Variants in NCEH1 observed in about 807,000 individuals in gnomAD.
The protein encoded by NCEH1 is neutral cholesterol ester hydrolase 1.
In NCEH1, 9 loss-of-function variants were observed where a neutral mutation model predicts 25.4. That is an observed-to-expected ratio of 0.35 (90% CI 0.21 to 0.62). The LOEUF (loss-of-function observed/expected upper bound fraction) is 0.62. NCEH1 is among the 20% of genes least tolerant of loss of function. The pLI is 0.72. For missense variants in NCEH1, 412 were observed against 501.1 expected (o/e 0.82, Z 1.70); for synonymous variants, 200 against 199.8 (o/e 1.00, Z -0.01).
intron 3 of NCEH1, among the ~76,000 whole-genome samples, chr3:172,639,572 T>C (rs186069557): frequency 1.3e-5 from 2 of 152,254 alleles, no homozygotes; most frequent in Admixed American, 6.5e-5. Context: ...GGTTCTGACA[T>C]TCAATATTTA....
At chr3:172,701,190 A>ATTG (rs1185659837) in intron 1 of NCEH1, among the ~76,000 whole-genome samples, 2 of 152,202 alleles carry the variant, frequency 1.3e-5, no homozygotes, top group African/African-American at 4.8e-5. Flanking sequence ...TCCTTGGACT[A>ATTG]GTCCACTGAC....
intron 1 of NCEH1, among the ~76,000 whole-genome samples, chr3:172,665,352 GCT>G (rs1718157626): frequency 6.6e-6 from 1 of 152,178 alleles, no homozygotes; most frequent in South Asian, 2.1e-4. Flanking sequence ...TCCTCTGGAA[GCT>G]TTGTCTCAGA....
chr3:172,642,592 T>G (rs1051030491), intron 3 of NCEH1, among the ~76,000 whole-genome samples: 7 of 129,052 alleles, frequency 5.4e-5, no homozygotes, highest in Non-Finnish European at 7.9e-5. Flanking sequence ...ATTACTATCT[T>G]GCTATTTCTA....
chr3:172,706,207 C>T (rs963193776), intron 1 of NCEH1, among the ~76,000 whole-genome samples: 3 of 151,926 alleles, frequency 2.0e-5, no homozygotes, highest in Non-Finnish European at 2.9e-5. Context: ...ACTACATGTT[C>T]ATTGTAGAAA....
chr3:172,685,764 T>G (rs879768305), intron 1 of NCEH1, among the ~76,000 whole-genome samples: 25 of 152,214 alleles, frequency 1.6e-4, no homozygotes, highest in Non-Finnish European at 4.4e-5. Flanking sequence ...TAGAGCATCA[T>G]TCTAAATCCT....
intron 3 of NCEH1, among the ~76,000 whole-genome samples, chr3:172,638,186 T>TA (rs978268311): frequency 7.9e-6 from 1 of 127,292 alleles, no homozygotes; most frequent in East Asian, 2.5e-4. Flanking sequence ...CTAAATGCAA[T>TA]AAAAAAACTC....
chr3:172,653,752 G>GGCT (rs1553830342), intron 1 of NCEH1, among the ~76,000 whole-genome samples: 1 of 83,840 alleles, frequency 1.2e-5, no homozygotes, highest in African/African-American at 4.2e-5. Context: ...TTGTTTTTTT[G>GGCT]TTTTTTTGTT....
intron 1 of NCEH1, among the ~76,000 whole-genome samples, chr3:172,677,643 G>A (rs1712089007): frequency 6.6e-6 from 1 of 152,204 alleles, no homozygotes; most frequent in African/African-American, 2.4e-5. Context: ...CTGTTGGTGG[G>A]GGAGGGGCGG....
At chr3:172,673,523 G>GCT (rs1424712120) in intron 1 of NCEH1, among the ~76,000 whole-genome samples, 30 of 152,312 alleles carry the variant, frequency 2.0e-4, no homozygotes, top group South Asian at 1.7e-3. Context: ...GATTTTCCAT[G>GCT]CTCATGCTGC....
chr3:172,634,175 G>T, intron 4 of NCEH1, 83 bp from the exon 5 acceptor site: 1 of 1,306,356 alleles, frequency 7.7e-7, no homozygotes. Flanking sequence ...AGCTTCATGT[G>T]TTACTCTGAA....
intron 1 of NCEH1, among the ~76,000 whole-genome samples, chr3:172,664,444 T>TGCTCTTCACGAGGAGTATCTTTGTGGC (rs1718112213): frequency 2.0e-5 from 3 of 152,186 alleles, no homozygotes; most frequent in African/African-American, 7.2e-5. Context: ...TGTCTTGGGG[T>TGCTCTTCACGAGGAGTATCTTTGTGGC]TGCTCTTCAC....
chr3:172,662,833 G>A (rs1021884024), intron 1 of NCEH1, among the ~76,000 whole-genome samples: 2 of 145,578 alleles, frequency 1.4e-5, no homozygotes, highest in African/African-American at 5.4e-5. Context: ...ATTTTTTATT[G>A]CATCTATTTG....
At position 172,632,529 on chromosome 3, in the gene NCEH1, A is replaced by T. The variant is rs1225265790; in HGVS notation, c.*946T>A. 2 of 152,562 alleles carry T rather than the reference A, an allele frequency of 1.3e-5. No individual in the cohort carries two copies. The highest frequency in any genetic ancestry group is 2.9e-5 in the Non-Finnish European group (2 of 68,030). 9.5% of individuals were successfully genotyped at this position (152,562 alleles called of 1,614,324 possible). A position where few individuals can be genotyped will look rare whatever the true frequency, so the allele number is the denominator to read the frequency against. ...TTTTCAATAATAGACTAGACCTTCT[A>T]AAGGTATTTTTAACAATTTTGAACT... On this transcript the variant is annotated 3_prime_UTR_variant, in exon 5 of 5. Transcript: ENST00000475381.
intron 3 of NCEH1, among the ~76,000 whole-genome samples, chr3:172,639,622 A>G (rs1451645905): frequency 1.3e-5 from 2 of 152,192 alleles, no homozygotes; most frequent in African/African-American, 4.8e-5. Context: ...GTAAATATCA[A>G]AGATGTTATA....
intron 1 of NCEH1, among the ~76,000 whole-genome samples, chr3:172,693,341 C>T (rs913477847): frequency 6.6e-6 from 1 of 151,798 alleles, no homozygotes; most frequent in Non-Finnish European, 1.5e-5. Context: ...GAAAGCAAAC[C>T]GTGTGCACAC....
chr3:172,678,323 T>G (rs1254380219), intron 1 of NCEH1, among the ~76,000 whole-genome samples: 2 of 152,190 alleles, frequency 1.3e-5, no homozygotes, highest in Non-Finnish European at 2.9e-5. Context: ...CAGTCCCTCC[T>G]TGGCCTGAGG....
At chr3:172,673,409 A>G (rs114950408) in intron 1 of NCEH1, among the ~76,000 whole-genome samples, 2,757 of 152,314 alleles carry the variant, frequency 0.018, 25 homozygotes, top group Non-Finnish European at 0.028. Flanking sequence ...ACTCTCCCCA[A>G]ACACAAGCGC....
intron 1 of NCEH1, among the ~76,000 whole-genome samples, chr3:172,657,065 A>G (rs183638310): frequency 2.3e-3 from 344 of 151,516 alleles, no homozygotes; most frequent in African/African-American, 7.9e-3. Flanking sequence ...TGGTTCTTAC[A>G]CTCCTGACCA....
chr3:172,653,570 A>C (rs1717514472), intron 1 of NCEH1, among the ~76,000 whole-genome samples: 1 of 152,090 alleles, frequency 6.6e-6, no homozygotes, highest in African/African-American at 2.4e-5. Context: ...ACAAGCTCAG[A>C]GAAGAAAGGA....
Sources: allele counts gnomAD v4.1 joint callset (sites outside exome capture counted in the v4.1 genomes callset), GRCh38; gene constraint gnomAD v4.1.1; transcripts MANE v1.5; gene names NCBI Gene and HGNC (gene_info 2026-07-23, HGNC 2026-07-21).